KCTD16: variants seen among roughly 807,000 people sequenced by gnomAD.
The protein encoded by KCTD16 is BTB/POZ domain-containing protein KCTD16.
KCTD16 carries 13 observed loss-of-function variants against 33.2 expected under a neutral mutation model. That is an observed-to-expected ratio of 0.39 (90% CI 0.25 to 0.62). The LOEUF (loss-of-function observed/expected upper bound fraction) is 0.62. KCTD16 is among the 20% of genes least tolerant of loss of function. The pLI is 0.50. For synonymous variants in KCTD16, 197 were observed against 195.3 expected (o/e 1.01, Z -0.07); for missense variants, 441 against 525.1 (o/e 0.84, Z 1.57).
intron 2 of KCTD16, among the ~76,000 whole-genome samples, chr5:144,181,095 G>A (rs989230228): frequency 1.3e-5 from 2 of 152,068 alleles, no homozygotes; most frequent in South Asian, 4.2e-4. Context: ...ACCACGCCCG[G>A]CTAATTTTTT....
intron 3 of KCTD16, among the ~76,000 whole-genome samples, chr5:144,406,855 C>T (rs1454441094): frequency 2.0e-5 from 3 of 152,150 alleles, no homozygotes; most frequent in Non-Finnish European, 2.9e-5. Context: ...CTGCCAGCCT[C>T]TGTATGAAAC....
At chr5:144,332,241 A>T (rs1316037120) in intron 3 of KCTD16, among the ~76,000 whole-genome samples, 1 of 152,194 alleles carries the variant, frequency 6.6e-6, no homozygotes, top group Non-Finnish European at 1.5e-5. Context: ...GATTGACTTG[A>T]TAAAGAAGAG....
At chr5:144,301,313 G>A (rs954152713) in intron 3 of KCTD16, among the ~76,000 whole-genome samples, 22 of 151,926 alleles carry the variant, frequency 1.4e-4, no homozygotes, top group African/African-American at 5.3e-4. Context: ...TGTTTTGGAA[G>A]GCAGTGGGAA....
At chr5:144,261,314 T>C (rs975729375) in intron 3 of KCTD16, among the ~76,000 whole-genome samples, 3 of 152,148 alleles carry the variant, frequency 2.0e-5, no homozygotes, top group Admixed American at 6.5e-5. Flanking sequence ...TAGTATCTTA[T>C]AAATTTATTT....
chr5:144,442,336 A>T (rs1180788398), intron 3 of KCTD16, among the ~76,000 whole-genome samples: 1 of 152,110 alleles, frequency 6.6e-6, no homozygotes, highest in Admixed American at 6.6e-5. Context: ...TTCCTAGCAC[A>T]TGCCACAGCC....
chr5:144,324,242 G>T (rs1323490150), intron 3 of KCTD16, among the ~76,000 whole-genome samples: 2 of 152,142 alleles, frequency 1.3e-5, no homozygotes, highest in Non-Finnish European at 2.9e-5. Context: ...CAGCCTGAGA[G>T]TCAATGTGCA....
intron 3 of KCTD16, among the ~76,000 whole-genome samples, chr5:144,313,262 T>C (rs1233101917): frequency 6.6e-6 from 1 of 152,138 alleles, no homozygotes; most frequent in African/African-American, 2.4e-5. Flanking sequence ...ACACTAGCAT[T>C]AATGGGTCAG....
At chr5:144,417,885 T>C (rs1580947673) in intron 3 of KCTD16, among the ~76,000 whole-genome samples, 1 of 152,176 alleles carries the variant, frequency 6.6e-6, no homozygotes, top group African/African-American at 2.4e-5. Flanking sequence ...GGATTCCTGG[T>C]CTTGCTGACT....
intron 3 of KCTD16, among the ~76,000 whole-genome samples, chr5:144,349,526 A>G (rs1297528822): frequency 6.6e-6 from 1 of 152,208 alleles, no homozygotes; most frequent in African/African-American, 2.4e-5. Context: ...ATCCAGCATA[A>G]GCCCTCATTC....
chr5:144,405,369 TGAGCTTTAAA>T (rs747200812), intron 3 of KCTD16, among the ~76,000 whole-genome samples: 9 of 152,236 alleles, frequency 5.9e-5, no homozygotes, highest in Non-Finnish European at 1.0e-4. Context: ...GAGAATGTTG[TGAGCTTTAAA>T]GACTTTTCTA....
At chr5:144,203,938 A>G (rs544822498) in intron 2 of KCTD16, among the ~76,000 whole-genome samples, 30 of 152,352 alleles carry the variant, frequency 2.0e-4, no homozygotes, top group African/African-American at 7.2e-4. Context: ...CTAGATGGCG[A>G]TATAAGTGCA....
At chr5:144,366,553 T>C (rs1751837883) in intron 3 of KCTD16, among the ~76,000 whole-genome samples, 1 of 152,192 alleles carries the variant, frequency 6.6e-6, no homozygotes, top group Admixed American at 6.6e-5. Context: ...CTCAGCCATT[T>C]GCTAACTCTA....
At chr5:144,391,944 G>T (rs1453719069) in intron 3 of KCTD16, among the ~76,000 whole-genome samples, 9 of 152,124 alleles carry the variant, frequency 5.9e-5, no homozygotes, top group African/African-American at 2.2e-4. Context: ...TGTGCTAAGT[G>T]CTATGTATAA....
intron 3 of KCTD16, among the ~76,000 whole-genome samples, chr5:144,434,763 T>C (rs1456742290): frequency 6.6e-6 from 1 of 152,200 alleles, no homozygotes; most frequent in Non-Finnish European, 1.5e-5. Context: ...AGGTGGTTAT[T>C]ATCACTGAAT....
chr5:144,484,292 G>C lies in KCTD16; in HGVS notation c.*10178G>C, dbSNP rs1174980125. 6.6e-6 allele frequency: 1 copy of C among 151,812 alleles called. No homozygotes were observed. The highest frequency in any genetic ancestry group is 2.4e-5 in the African/African-American group (1 of 41,358). The allele number at this position is 151,812 out of a possible 1,614,324, so 9.4% of individuals were successfully genotyped here. A position where few individuals can be genotyped will look rare whatever the true frequency, so the allele number is the denominator to read the frequency against. ...ACAAACTTAGCGGAGCTGCACTTCA[G>C]AGAGTCCCACTGTAATCTGTTAATA... On this transcript the variant is annotated 3_prime_UTR_variant, in exon 4 of 4. Transcript: ENST00000512467.
intron 3 of KCTD16, among the ~76,000 whole-genome samples, chr5:144,471,379 A>T (rs1030595431): frequency 6.6e-6 from 1 of 152,174 alleles, no homozygotes; most frequent in Non-Finnish European, 1.5e-5. Flanking sequence ...GCTTTAAGGT[A>T]ATAGGTGTAT....
At chr5:144,248,884 G>C (rs1754621670) in intron 3 of KCTD16, among the ~76,000 whole-genome samples, 1 of 152,124 alleles carries the variant, frequency 6.6e-6, no homozygotes, top group Non-Finnish European at 1.5e-5. Context: ...CACCATGGAA[G>C]AATCTTTCAA....
rs1261628067 is a variant in KCTD16 at position 144,474,272 on chromosome 5, C to T, written c.*158C>T. On this transcript the variant is annotated 3_prime_UTR_variant, in exon 4 of 4. Transcript: ENST00000512467. ...ACTACTGCCTACTTTACCTAGTTCA[C>T]CTTAACATGTAAATCCACAGGGTAG... is the stretch of plus-strand genomic sequence containing the variant. 5.0e-6 allele frequency: 3 copies of T among 604,610 alleles called. No homozygotes were observed. Among genetic ancestry groups the T allele is most frequent in the African/African-American group, 1.9e-5 (1 of 53,810 alleles). The allele number at this position is 604,610 out of a possible 1,614,324, so 37.5% of individuals were successfully genotyped here.
Position 144,385,066 on chromosome 5 carries a change from C to G in KCTD16, c.833-88594C>G, listed in dbSNP as rs367900735. On this transcript the variant is annotated intron_variant, in intron 3 of 3. Coordinates refer to ENST00000512467, the MANE Select transcript of KCTD16 (RefSeq NM_020768.4). ...TGGCTAAAGGGGATAATGTCTGCAG[C>G]TGGAATAAACAATCAGCAAAGTCAT... is the stretch of plus-strand genomic sequence containing the variant. 2.0e-5 allele frequency among the ~76,000 whole-genome samples: 3 copies of G among 152,266 alleles called. No individual in the cohort carries two copies. In the South Asian group the frequency reaches 6.2e-4, roughly 32 times the overall value.
Sources: gnomAD v4.1 joint callset for allele counts (sites outside exome capture counted in the v4.1 genomes callset) on GRCh38, gnomAD v4.1.1 for gene constraint, MANE v1.5 for transcripts, NCBI Gene and HGNC (gene_info 2026-07-23, HGNC 2026-07-21) for gene names.